The following GPD1L variants were observed in gnomAD, a reference collection of about 807,000 sequenced individuals.
GPD1L encodes glycerol-3-phosphate dehydrogenase 1 like.
Under a neutral mutation model 32.9 loss-of-function variants are expected in GPD1L, and 17 were observed. That is an observed-to-expected ratio of 0.52 (90% confidence interval 0.35 to 0.78). The LOEUF is 0.78. Among genes scored for constraint, GPD1L ranks in the 30% least tolerant of loss-of-function variants. The probability of loss-of-function intolerance (pLI) is 0.01; values close to 1 mark genes in which losing one functional copy is unlikely to be tolerated. For synonymous variants in GPD1L, 187 were observed against 165.9 expected (o/e 1.13, Z -0.98); for missense variants, 361 against 447.8 (o/e 0.81, Z 1.75).
intron 5 of GPD1L, chr3:32,151,097 A>T: frequency 2.3e-6 from 1 of 427,284 alleles, no homozygotes; most frequent in Admixed American, 2.8e-5. Context: ...GCATGAATTC[A>T]TAGAGAATAA....
chr3:32,133,454 G>C (rs1367913846), intron 2 of GPD1L, among the ~76,000 whole-genome samples: 1 of 152,060 alleles, frequency 6.6e-6, no homozygotes, highest in Non-Finnish European at 1.5e-5. Flanking sequence ...ATATTAAAAA[G>C]ATATAAAATA....
chr3:32,112,832 G>A (rs13061752), intron 1 of GPD1L, among the ~76,000 whole-genome samples: 29,640 of 151,648 alleles, frequency 0.2, 3,534 homozygotes, highest in East Asian at 0.5. Flanking sequence ...ATGTTATTTC[G>A]TTTAAACATG....
chr3:32,157,482 C>T (rs1455787197), intron 5 of GPD1L, among the ~76,000 whole-genome samples: 2 of 152,146 alleles, frequency 1.3e-5, no homozygotes, highest in Non-Finnish European at 2.9e-5. Flanking sequence ...CCCTGCATTC[C>T]CCCTGCCACC....
intron 7 of GPD1L, among the ~76,000 whole-genome samples, chr3:32,161,651 G>T (rs1384752600): frequency 6.6e-6 from 1 of 152,184 alleles, no homozygotes; most frequent in African/African-American, 2.4e-5. Context: ...TTAGCTCCAG[G>T]GGGACATGGA....
rs1435251239 is a variant in GPD1L, at chr3:32,167,742, AGTTTAGGATTTCTTTT to A, written c.*1833_*1848del. 3 of 152,526 alleles carry A rather than the reference AGTTTAGGATTTCTTTT, an allele frequency of 2.0e-5. No homozygotes were observed. Among genetic ancestry groups the A allele is most frequent in the Non-Finnish European group, 2.9e-5 (2 of 68,036 alleles). 9.4% of individuals were successfully genotyped at this position (152,526 alleles called of 1,614,324 possible). ...AGATTTGGGCCTGTCCCTCAATGCC[AGTTTAGGATTTCTTTT>A]TTTCTATACCTTGAAATGATTATAA... is the stretch of plus-strand genomic sequence containing the variant. On this transcript the variant is annotated 3_prime_UTR_variant, in exon 8 of 8. Coordinates refer to ENST00000282541, the MANE Select transcript of GPD1L (RefSeq NM_015141.4).
In GPD1L at chr3:32,158,919, G is replaced by A; in HGVS notation, c.662G>A (p.Cys221Tyr). 3 of 1,614,108 alleles carry A rather than the reference G, an allele frequency of 1.9e-6. No individual in the cohort carries two copies. The South Asian group carries it at 3.3e-5, about 18-fold the overall frequency. ...GCTGGGTTCTGCGACGGCCTCCGCT[G>A]TGGAGACAACACCAAAGCGGCCGTC... ...VGAGFCDGLR[C>Y]GDNTKAAVIR... Residue 221 changes from cysteine to tyrosine, a missense_variant, in exon 6 of 8, where the codon TGT (cysteine) becomes TAT (tyrosine). Cys to Tyr is a radical substitution (Grantham distance 194). Transcript: ENST00000282541.
At chr3:32,138,480 G>A in intron 2 of GPD1L, 107 bp from the exon 3 acceptor site, 1 of 1,015,486 alleles carries the variant, frequency 9.8e-7, no homozygotes, top group South Asian at 1.3e-5. Context: ...TCTGTGCAAT[G>A]CTCTGCACAT....
chr3:32,129,351 C>T (rs747121946), intron 2 of GPD1L, among the ~76,000 whole-genome samples: 3 of 152,136 alleles, frequency 2.0e-5, no homozygotes, highest in Admixed American at 6.5e-5. Context: ...AGGAACTGAG[C>T]GGGGGAGACC....
chr3:32,145,425 G>T (rs1012928744), intron 4 of GPD1L, among the ~76,000 whole-genome samples: 8 of 152,184 alleles, frequency 5.3e-5, no homozygotes, highest in African/African-American at 1.7e-4. Flanking sequence ...CCCACCTCTT[G>T]GATGGGCATT....
intron 4 of GPD1L, among the ~76,000 whole-genome samples, chr3:32,143,874 C>G (rs1472415878): frequency 6.6e-6 from 1 of 151,986 alleles, no homozygotes; most frequent in African/African-American, 2.4e-5. Flanking sequence ...CCCAGGTACT[C>G]GAGAGCCTGA....
chr3:32,122,824 C>T (rs1700441252), intron 1 of GPD1L, among the ~76,000 whole-genome samples: 1 of 152,206 alleles, frequency 6.6e-6, no homozygotes, highest in Admixed American at 6.5e-5. Context: ...ATCATGCAGG[C>T]AGCACCCTTA....
At chr3:32,109,150 G>T (rs112455315) in intron 1 of GPD1L, among the ~76,000 whole-genome samples, 3 of 152,224 alleles carry the variant, frequency 2.0e-5, no homozygotes, top group Admixed American at 6.5e-5. Flanking sequence ...TACCCGGCCG[G>T]CTTTGCCAGT....
intron 7 of GPD1L, among the ~76,000 whole-genome samples, chr3:32,160,023 A>C (rs1470184784): frequency 6.6e-6 from 1 of 152,190 alleles, no homozygotes; most frequent in Non-Finnish European, 1.5e-5. Context: ...GTTTTTATTA[A>C]AAAGTATGGT....
chr3:32,139,047 TA>T (rs971449303), intron 3 of GPD1L, among the ~76,000 whole-genome samples: 7 of 152,080 alleles, frequency 4.6e-5, no homozygotes, highest in Admixed American at 6.5e-5. Flanking sequence ...TAATAACCAT[TA>T]GTGCCCATTC....
chr3:32,118,192 G>C (rs1212760156), intron 1 of GPD1L, among the ~76,000 whole-genome samples: 1 of 152,114 alleles, frequency 6.6e-6, no homozygotes, highest in African/African-American at 2.4e-5. Context: ...ATCTAAATGG[G>C]AATGATTTAA....
chr3:32,123,875 G>A (rs888995517), intron 1 of GPD1L, among the ~76,000 whole-genome samples: 1 of 150,358 alleles, frequency 6.7e-6, no homozygotes, highest in Non-Finnish European at 1.5e-5. Flanking sequence ...GACTATGCTT[G>A]TGTAGTGTTA....
chr3:32,147,516 C>T lies in GPD1L; in HGVS notation c.618+782C>T, dbSNP rs575038315. ...CCTTAGGCACTGTCCCTCTCTCTGC[C>T]GTGACTTGGGGGAACAACCAACAGG... On this transcript the variant is annotated intron_variant, in intron 5 of 7. Coordinates refer to ENST00000282541, the MANE Select transcript of GPD1L (RefSeq NM_015141.4). Among the ~76,000 whole-genome samples, 14 of 152,264 alleles carry T rather than the reference C, an allele frequency of 9.2e-5. No homozygotes were observed. The South Asian group carries it at 2.7e-3, about 29-fold the overall frequency.
In GPD1L at chr3:32,128,057, T is replaced by C. The variant is rs1700537303; in HGVS notation, c.48-19T>C. ...CCCAAGTGAGTTTATGTTTTTCTTT[T>C]CCACGATTTCTTTTGTAGGGGTTCA... is the stretch of plus-strand genomic sequence containing the variant. On this transcript the variant is annotated intron_variant, in intron 1 of 7. Coordinates refer to ENST00000282541, the MANE Select transcript of GPD1L (RefSeq NM_015141.4). The C allele has an allele frequency of 5.0e-6, 8 of 1,584,390 alleles. No homozygotes were observed. The East Asian group carries it at 8.9e-5, about 18-fold the overall frequency.
rs553983415 is a variant in GPD1L, at chr3:32,162,822, G to A, written c.960-2992G>A. 1.1e-4 allele frequency among the ~76,000 whole-genome samples: 17 copies of A among 151,184 alleles called. No individual in the cohort carries two copies. The East Asian group carries it at 3.1e-3, about 28-fold the overall frequency. On this transcript the variant is annotated intron_variant, in intron 7 of 7. Coordinates refer to ENST00000282541, the MANE Select transcript of GPD1L (RefSeq NM_015141.4). ...GTCACCCAGGCTGGAGTGCAATGGT[G>A]CAATCTCAGCACTGCAATCTCCGCC...
Sources: allele counts gnomAD v4.1 joint callset (sites outside exome capture counted in the v4.1 genomes callset), GRCh38; gene constraint gnomAD v4.1.1; transcripts MANE v1.5; gene names NCBI Gene and HGNC (gene_info 2026-07-23, HGNC 2026-07-21).